SP140L: variants seen among roughly 807,000 people sequenced by gnomAD.
The protein encoded by SP140L is nuclear body protein SP140-like protein.
In SP140L, 64 loss-of-function variants were observed where a neutral mutation model predicts 84.3. The observed-to-expected ratio is 0.76, with a 90% CI of 0.62 to 0.94. The LOEUF (loss-of-function observed/expected upper bound fraction) is 0.94. SP140L is among the 40% of genes least tolerant of loss of function. SP140L has a pLI of 0.00. For synonymous variants in SP140L, 242 were observed against 236.9 expected (o/e 1.02, Z -0.20); for missense variants, 628 against 692.5 (o/e 0.91, Z 1.05).
In SP140L at chr2:230,396,050, G is replaced by A. The variant is rs138744377; in HGVS notation, c.1156-707G>A. On this transcript the variant is annotated intron_variant, in intron 13 of 18. Coordinates refer to ENST00000415673, the MANE Select transcript of SP140L (RefSeq NM_138402.6). Reference sequence around the variant, plus strand: ...GGGCCCTGTGGTCCCTGTAGGCTGTGGGGGATAAATTCTCAGCCTGATTAT... The same window carrying A: ...GGGCCCTGTGGTCCCTGTAGGCTGTAGGGGATAAATTCTCAGCCTGATTAT... Among the ~76,000 whole-genome samples the A allele has an allele frequency of 7.9e-5, 12 of 152,322 alleles. No individual in the cohort carries two copies. In the East Asian group the frequency reaches 2.3e-3, roughly 29 times the overall value.
At chr2:230,388,697 G>A in intron 10 of SP140L, 64 bp downstream of exon 10, 1 of 1,308,870 alleles carries the variant, frequency 7.6e-7, no homozygotes, top group African/African-American at 1.5e-5. Context: ...GCTTTATGCT[G>A]TATTTTCAGT....
At chr2:230,369,907 G>A in intron 5 of SP140L, among the ~76,000 whole-genome samples, 1 of 152,042 alleles carries the variant, frequency 6.6e-6, no homozygotes, top group East Asian at 1.9e-4. Flanking sequence ...CCAAGTAGCT[G>A]GGATTACAGG....
intron 9 of SP140L, among the ~76,000 whole-genome samples, chr2:230,385,511 G>C (rs2061547004): frequency 6.6e-6 from 1 of 152,136 alleles, no homozygotes; most frequent in South Asian, 2.1e-4. Context: ...AAGTTCTAAA[G>C]TTGTTTTCCT....
chr2:230,336,715 A>AT (rs956352694), intron 2 of SP140L, among the ~76,000 whole-genome samples: 2 of 152,236 alleles, frequency 1.3e-5, no homozygotes, highest in South Asian at 2.1e-4. Flanking sequence ...ATGCCTTAAC[A>AT]TTTTTTTACT....
At chr2:230,375,075 CT>C (rs59374901) in intron 7 of SP140L, among the ~76,000 whole-genome samples, 3,913 of 151,894 alleles carry the variant, frequency 0.026, 178 homozygotes, top group African/African-American at 0.089. Context: ...ATATATTATC[CT>C]CCTCATAATT....
At chr2:230,347,072 G>A (rs891134225) in intron 2 of SP140L, among the ~76,000 whole-genome samples, 7 of 152,198 alleles carry the variant, frequency 4.6e-5, no homozygotes, top group Non-Finnish European at 8.8e-5. Context: ...GATCTGGACA[G>A]GTCAGCTGGT....
rs2060721695 is a variant in SP140L at position 230,361,671 on chromosome 2, C to T, written c.497C>T (p.Pro166Leu). The T allele has an allele frequency of 1.3e-6, 2 of 1,561,856 alleles. No individual in the cohort carries two copies. The highest frequency in any genetic ancestry group is 1.4e-5 in the African/African-American group (1 of 73,512). ...ESDRKEREER[P>L]DIKLSLKQGE... ...GATCGAAAAGAAAGGGAAGAGAGGC[C>T]TGACATCAAACTAAGTCTTAAACAA... is the stretch of plus-strand genomic sequence containing the variant. Residue 166 changes from proline to leucine, a missense_variant, in exon 5 of 19, where the codon CCT becomes CTT. Pro to Leu is a moderately conservative substitution (Grantham distance 98). Around this residue, in one of 4 missense-constraint regions of SP140L, gnomAD observed 525 missense variants for 518.4 expected, o/e 1.01. Transcript: ENST00000415673.
intron 2 of SP140L, among the ~76,000 whole-genome samples, chr2:230,334,021 C>T (rs2059798722): frequency 6.6e-6 from 1 of 152,210 alleles, no homozygotes; most frequent in Non-Finnish European, 1.5e-5. Context: ...GCAGCTCCTG[C>T]TCCAATATTT....
intron 15 of SP140L, chr2:230,400,698 C>A: frequency 1.3e-6 from 1 of 780,568 alleles, no homozygotes; most frequent in Non-Finnish European, 2.0e-6. Flanking sequence ...CTCCCAGCAG[C>A]TCAGACAGGG....
intron 2 of SP140L, among the ~76,000 whole-genome samples, chr2:230,344,644 T>C (rs533838438): frequency 1.7e-4 from 26 of 152,348 alleles, no homozygotes; most frequent in Non-Finnish European, 3.5e-4. Flanking sequence ...TGTGTTTTTG[T>C]AGTGGCTGGT....
At chr2:230,339,740 C>A in intron 2 of SP140L, among the ~76,000 whole-genome samples, 2 of 140,134 alleles carry the variant, frequency 1.4e-5, no homozygotes, top group Non-Finnish European at 3.1e-5. Context: ...TTTCTGCCTT[C>A]ATTTTGTTAT....
intron 7 of SP140L, among the ~76,000 whole-genome samples, chr2:230,382,846 G>A (rs1343701536): frequency 6.6e-6 from 1 of 152,214 alleles, no homozygotes. Context: ...GAGGAGATGA[G>A]GGACGTCAGA....
At chr2:230,345,207 G>A (rs1675322762) in intron 2 of SP140L, among the ~76,000 whole-genome samples, 1 of 152,160 alleles carries the variant, frequency 6.6e-6, no homozygotes, top group South Asian at 2.1e-4. Context: ...ATTTACAACT[G>A]TTATATCCTC....
intron 2 of SP140L, among the ~76,000 whole-genome samples, chr2:230,341,801 T>C (rs372960890): frequency 2.6e-4 from 39 of 152,084 alleles, no homozygotes; most frequent in East Asian, 1.9e-4. Context: ...AGTTAGGCTG[T>C]TCGGGGGTCA....
intron 7 of SP140L, among the ~76,000 whole-genome samples, chr2:230,377,985 C>T (rs542696368): frequency 6.6e-6 from 1 of 152,096 alleles, no homozygotes; most frequent in South Asian, 2.1e-4. Flanking sequence ...TTAGTTTTTG[C>T]ATATAGTTTG....
At chr2:230,364,967 A>G (rs1490134462) in intron 5 of SP140L, among the ~76,000 whole-genome samples, 2 of 152,120 alleles carry the variant, frequency 1.3e-5, no homozygotes, top group Admixed American at 6.5e-5. Context: ...TGAACCATCC[A>G]TGCATCCCAG....
intron 2 of SP140L, among the ~76,000 whole-genome samples, chr2:230,338,707 A>G (rs1232687267): frequency 2.0e-4 from 24 of 122,476 alleles, no homozygotes; most frequent in African/African-American, 4.7e-4. Flanking sequence ...TAGCATGAAG[A>G]GTTGTTGAAT....
At chr2:230,352,428 G>C (rs1326891910) in intron 2 of SP140L, among the ~76,000 whole-genome samples, 1 of 152,146 alleles carries the variant, frequency 6.6e-6, no homozygotes, top group Non-Finnish European at 1.5e-5. Flanking sequence ...TCACAAATCA[G>C]AGCAAGAGAG....
intron 13 of SP140L, among the ~76,000 whole-genome samples, chr2:230,395,076 C>A (rs1156481588): frequency 7.7e-5 from 11 of 143,240 alleles, no homozygotes; most frequent in Non-Finnish European, 1.6e-5. Context: ...TCAAGCAATT[C>A]TCCTGCCTCA....
Sources: allele counts gnomAD v4.1 joint callset (sites outside exome capture counted in the v4.1 genomes callset), GRCh38; gene constraint gnomAD v4.1.1; regional missense constraint gnomAD v4.1.1; transcripts MANE v1.5; gene names NCBI Gene and HGNC (gene_info 2026-07-23, HGNC 2026-07-21).